SHFL: variants seen among roughly 807,000 people sequenced by gnomAD.
The protein encoded by SHFL is shiftless antiviral inhibitor of ribosomal frameshifting.
A neutral mutation model predicts 34.7 loss-of-function variants in SHFL; 12 were observed. The observed-to-expected ratio is 0.35, with a 90% CI of 0.22 to 0.56. The LOEUF is 0.56. SHFL is among the 20% of genes least tolerant of loss of function. SHFL has a pLI of 0.88. For missense variants in SHFL, 278 were observed against 411.1 expected (o/e 0.68, Z 2.80); for synonymous variants, 148 against 156.0 (o/e 0.95, Z 0.38).
chr19:10,089,317 C>T (rs368193454), intron 3 of SHFL: 12 of 1,598,250 alleles, frequency 7.5e-6, no homozygotes, highest in Admixed American at 1.7e-5. Flanking sequence ...CCGAGCACAA[C>T]GTGGCCTCAA....
chr19:10,091,269 G>A lies in SHFL; in HGVS notation c.404G>A (p.Cys135Tyr). 1.2e-6 allele frequency: 2 copies of A among 1,613,814 alleles called. No individual in the cohort carries two copies. The highest frequency in any genetic ancestry group is 1.7e-6 in the Non-Finnish European group (2 of 1,179,800). ...CACCAGGTATCCCGGTGCCGGAAAT[G>A]CCGGAAGCGCTACGAGCCAGTGCCA... ...QRKEVSRCRK[C>Y]RKRYEPVPAD... Residue 135 changes from cysteine (C) to tyrosine (Y), a missense_variant, in exon 6 of 8, where the codon TGC becomes TAC. Coordinates refer to ENST00000253110, the MANE Select transcript of SHFL (RefSeq NM_018381.4). The surrounding 1 kb of genome is among the most constrained non-coding windows in gnomAD (Gnocchi z 8.2).
In SHFL at chr19:10,092,258, G is replaced by A; in HGVS notation, c.832G>A (p.Glu278Lys). ...ILEDLKEEEEEEEEVEDEEGG... is the reference protein window; with the variant it reads ...ILEDLKEEEEKEEEVEDEEGG... Reference sequence around the variant, plus strand: ...GGAGGACCTGAAGGAGGAGGAGGAGGAAGAGGAGGAGGTGGAGGACGAGGA... The same window carrying A: ...GGAGGACCTGAAGGAGGAGGAGGAGAAAGAGGAGGAGGTGGAGGACGAGGA... The change falls in exon 8 of 8, where the codon GAA becomes AAA. Residue 278 changes from glutamate to lysine, a missense_variant. By Grantham distance (56) the Glu-to-Lys change is moderately conservative (BLOSUM62 1). Around this residue, in one of 2 missense-constraint regions of SHFL, gnomAD observed 35 missense variants for 24.9 expected, o/e 1.41. Transcript: ENST00000253110. The A allele has an allele frequency of 6.2e-7, 1 of 1,606,028 alleles. No homozygotes were observed. Among genetic ancestry groups the A allele is most frequent in the Non-Finnish European group, 8.5e-7 (1 of 1,176,152 alleles).
In SHFL at chr19:10,086,733, T is replaced by C; in HGVS notation, c.22-196T>C. The C allele has an allele frequency of 1.5e-6, 1 of 682,138 alleles. No homozygotes were observed. Among genetic ancestry groups the C allele is most frequent in the Non-Finnish European group, 2.4e-6 (1 of 412,894 alleles). 42.3% of individuals were successfully genotyped at this position (682,138 alleles called of 1,614,324 possible). ...CCTTAGGCTGGGACGCTCGCCCCAG[T>C]CCGCGCCTTCCCCCAACGCCCTGTG... On this transcript the variant is annotated intron_variant, in intron 1 of 7. Coordinates refer to ENST00000253110, the MANE Select transcript of SHFL (RefSeq NM_018381.4). The surrounding 1 kb of genome is among the most constrained non-coding windows in gnomAD (Gnocchi z 5.2).
Position 10,092,268 on chromosome 19 carries a change from AGGT to A in SHFL, c.845_847del (p.Val282del). On this transcript the variant is annotated inframe_deletion, in exon 8 of 8. Transcript: ENST00000253110. ...AAGGAGGAGGAGGAGGAAGAGGAGGAGGTGGAGGACGAGGAGGGCGGGCCCAGG... is the reference window on the plus strand; with the variant it reads ...AAGGAGGAGGAGGAGGAAGAGGAGGAGGAGGACGAGGAGGGCGGGCCCAGG... The A allele has an allele frequency of 1.2e-6, 2 of 1,601,948 alleles. No homozygotes were observed. Among genetic ancestry groups the A allele is most frequent in the Non-Finnish European group, 1.7e-6 (2 of 1,174,396 alleles).
chr19:10,093,148 C>T lies in SHFL; in HGVS notation c.*846C>T. On this transcript the variant is annotated 3_prime_UTR_variant, in exon 8 of 8. Transcript: ENST00000253110. ...AACAGGAGTCTTGATTCTTTTTTTG[C>T]CTCATCAGAGAAGGAATCTGGACTC... 1.5e-6 allele frequency: 1 copy of T among 660,404 alleles called. No homozygotes were observed. The allele number at this position is 660,404 out of a possible 1,614,324, so 40.9% of individuals were successfully genotyped here.
In SHFL at chr19:10,087,494, G is replaced by A. The variant is rs1007682541; in HGVS notation, c.195+194G>A. The A allele has an allele frequency of 2.1e-5, 13 of 623,508 alleles. No homozygotes were observed. The Admixed American group carries it at 2.5e-4, about 12-fold the overall frequency. 38.6% of individuals were successfully genotyped at this position (623,508 alleles called of 1,614,324 possible). A position where few individuals can be genotyped will look rare whatever the true frequency, so the allele number is the denominator to read the frequency against. ...CGGCCAGGGAGCCTGCAAACAGTAG[G>A]CGCTCATTATGTGCTGATTGTATTC... is the stretch of plus-strand genomic sequence containing the variant. On this transcript the variant is annotated intron_variant, in intron 3 of 7. Transcript: ENST00000253110.
At chr19:10,087,118 C>T in intron 2 of SHFL, 66 bp downstream of exon 2, 1 of 1,592,090 alleles carries the variant, frequency 6.3e-7, no homozygotes, top group Non-Finnish European at 8.6e-7. Context: ...GGGGCGTGGT[C>T]TAGGGAGAGG....
At position 10,091,917 on chromosome 19, in the gene SHFL, TG is replaced by T. The variant is rs1422446469; in HGVS notation, c.644-152del. ...GTGACCCCCATGTCCCCAGGTCTCC[TG>T]TATCTTCAACACCCCTGAATGTCCA... On this transcript the variant is annotated intron_variant, in intron 7 of 7. Transcript: ENST00000253110. This position sits in a 1 kb window ranked among gnomAD's most constrained non-coding sequence, Gnocchi z 8.2. 1 of 1,007,056 alleles carries T rather than the reference TG, an allele frequency of 9.9e-7. No homozygotes were observed. Among genetic ancestry groups the T allele is most frequent in the Non-Finnish European group, 1.5e-6 (1 of 685,428 alleles). The allele number at this position is 1,007,056 out of a possible 1,614,324, so 62.4% of individuals were successfully genotyped here.
chr19:10,088,448 A>G (rs2145153254), intron 3 of SHFL, among the ~76,000 whole-genome samples: 1 of 150,870 alleles, frequency 6.6e-6, no homozygotes, highest in South Asian at 2.1e-4. Flanking sequence ...AGGCCCCTGT[A>G]GTCCCAGCTA....
rs575238814 is a variant in SHFL at position 10,086,805 on chromosome 19, G to A, written c.22-124G>A. On this transcript the variant is annotated intron_variant, in intron 1 of 7. Transcript: ENST00000253110. This position sits in a 1 kb window ranked among gnomAD's most constrained non-coding sequence, Gnocchi z 5.2. ...AAATGCCGTAAAGGGATGAAAGGCG[G>A]GGGGGGGGCGGCGGAGGCCAAAACC... 117 of 1,179,600 alleles carry A rather than the reference G, an allele frequency of 9.9e-5. No homozygotes were observed. The African/African-American group carries it at 1.7e-3, about 17-fold the overall frequency. The allele number at this position is 1,179,600 out of a possible 1,614,324, so 73.1% of individuals were successfully genotyped here.
At position 10,091,781 on chromosome 19, in the gene SHFL, C is replaced by A. The variant is rs1453037916; in HGVS notation, c.643+151C>A. On this transcript the variant is annotated intron_variant, in intron 7 of 7. Transcript: ENST00000253110. This position sits in a 1 kb window ranked among gnomAD's most constrained non-coding sequence, Gnocchi z 8.2. Reference sequence around the variant, plus strand: ...TGACCCCCCAGTCTCCGTGGTCTTGCCCAGGAGGCTCTGAGGTTTCACCCC... The same window carrying A: ...TGACCCCCCAGTCTCCGTGGTCTTGACCAGGAGGCTCTGAGGTTTCACCCC... The A allele has an allele frequency of 1.5e-5, 18 of 1,165,176 alleles. No homozygotes were observed. Among genetic ancestry groups the A allele is most frequent in the Non-Finnish European group, 2.1e-5 (18 of 848,708 alleles). The allele number at this position is 1,165,176 out of a possible 1,614,324, so 72.2% of individuals were successfully genotyped here. A position where few individuals can be genotyped will look rare whatever the true frequency, so the allele number is the denominator to read the frequency against.
chr19:10,087,100 G>A, intron 2 of SHFL, 48 bp downstream of exon 2: 1 of 1,596,598 alleles, frequency 6.3e-7, no homozygotes, highest in Non-Finnish European at 8.5e-7. Flanking sequence ...GCGCGTGGGA[G>A]CGCCGAGGGG....
At chr19:10,087,511 A>C in intron 3 of SHFL, 2 of 600,360 alleles carry the variant, frequency 3.3e-6, no homozygotes, top group Non-Finnish European at 5.9e-6. Flanking sequence ...TTATGTGCTG[A>C]TTGTATTCAA....
rs2088412732 is a variant in SHFL at position 10,092,504 on chromosome 19, G to C, written c.*202G>C. On this transcript the variant is annotated 3_prime_UTR_variant, in exon 8 of 8. Coordinates refer to ENST00000253110, the MANE Select transcript of SHFL (RefSeq NM_018381.4). Reference sequence around the variant, plus strand: ...AAGTTCTGTGGGACACATTGGCACTGAGCCACAAAGAAGGTGTGGCCAGAA... The same window carrying C: ...AAGTTCTGTGGGACACATTGGCACTCAGCCACAAAGAAGGTGTGGCCAGAA... 6.6e-7 allele frequency: 1 copy of C among 1,522,722 alleles called. No homozygotes were observed. Among genetic ancestry groups the C allele is most frequent in the Middle Eastern group, 1.9e-4 (1 of 5,188 alleles). 94.3% of individuals were successfully genotyped at this position (1,522,722 alleles called of 1,614,324 possible).
At position 10,092,055 on chromosome 19, in the gene SHFL, C is replaced by G; in HGVS notation, c.644-15C>G. The stretch of plus-strand genomic sequence containing the variant: ...GACCTCCAGCCCCATGTCTGCAGCA[C>G]CTCTCCCTCCCTAGAGCCCCACGTG... On this transcript the variant is annotated splice_polypyrimidine_tract_variant and intron_variant, in intron 7 of 7. Coordinates refer to ENST00000253110, the MANE Select transcript of SHFL (RefSeq NM_018381.4). 1 of 1,613,796 alleles carries G rather than the reference C, an allele frequency of 6.2e-7. No individual in the cohort carries two copies. Among genetic ancestry groups the G allele is most frequent in the Non-Finnish European group, 8.5e-7 (1 of 1,179,834 alleles).
Position 10,086,330 on chromosome 19 carries a change from C to A in SHFL, c.-98C>A. ...GGAGCCGGCCCCGAGGCACCGCCCC[C>A]TGCCCTGCGCGGCTGCTGGACCGAC... On this transcript the variant is annotated 5_prime_UTR_variant, in exon 1 of 8. In the 5' UTR this introduces an upstream ATG that the reference lacks. Coordinates refer to ENST00000253110, the MANE Select transcript of SHFL (RefSeq NM_018381.4). This position sits in a 1 kb window ranked among gnomAD's most constrained non-coding sequence, Gnocchi z 5.2. 1 of 1,135,734 alleles carries A rather than the reference C, an allele frequency of 8.8e-7. No homozygotes were observed. Among genetic ancestry groups the A allele is most frequent in the Non-Finnish European group, 1.1e-6 (1 of 887,496 alleles). 70.4% of individuals were successfully genotyped at this position (1,135,734 alleles called of 1,614,324 possible).
chr19:10,087,352 G>A, intron 3 of SHFL, 52 bp downstream of exon 3: 1 of 1,607,916 alleles, frequency 6.2e-7, no homozygotes, highest in Non-Finnish European at 8.5e-7. Context: ...GGGAGAGCAA[G>A]AGGGGGGACC....
In SHFL at chr19:10,092,123, C is replaced by A; in HGVS notation, c.697C>A (p.His233Asn). 6.2e-7 allele frequency: 1 copy of A among 1,613,830 alleles called. No individual in the cohort carries two copies. The highest frequency in any genetic ancestry group is 8.5e-7 in the Non-Finnish European group (1 of 1,179,806). The change falls in exon 8 of 8, where the codon CAC (histidine) becomes AAC (asparagine). Residue 233 changes from histidine to asparagine, a missense_variant. Around this residue, in one of 2 missense-constraint regions of SHFL, gnomAD observed 243 missense variants for 386.2 expected, o/e 0.63. Transcript: ENST00000253110. ...CAHPKSRKQN[H>N]LPKVLHPSNP... is the part of the protein sequence containing the mutation. ...TCACCCCAAGAGCCGGAAGCAGAAC[C>A]ACCTGCCCAAAGTGCTCCACCCCAG...
At position 10,091,667 on chromosome 19, in the gene SHFL, T is replaced by G; in HGVS notation, c.643+37T>G. ...CTCCCCCAACAGCCTGGACAGTCTT[T>G]GTCCCCTTCTGTGCCTTTAAGTCCC... On this transcript the variant is annotated intron_variant, in intron 7 of 7. Coordinates refer to ENST00000253110, the MANE Select transcript of SHFL (RefSeq NM_018381.4). The surrounding 1 kb of genome is among the most constrained non-coding windows in gnomAD (Gnocchi z 8.2). 6.6e-7 allele frequency: 1 copy of G among 1,508,050 alleles called. No individual in the cohort carries two copies. The highest frequency in any genetic ancestry group is 8.9e-7 in the Non-Finnish European group (1 of 1,121,862). 93.4% of individuals were successfully genotyped at this position (1,508,050 alleles called of 1,614,324 possible).
Sources: allele counts gnomAD v4.1 joint callset (sites outside exome capture counted in the v4.1 genomes callset), GRCh38; gene constraint gnomAD v4.1.1; regional missense constraint gnomAD v4.1.1; non-coding constraint Gnocchi (gnomAD v3.1); transcripts MANE v1.5; gene names NCBI Gene and HGNC (gene_info 2026-07-23, HGNC 2026-07-21).